LYST: variants seen among roughly 807,000 people sequenced by gnomAD.
The protein encoded by LYST is lysosomal trafficking regulator.
LYST carries 192 observed loss-of-function variants against 413.6 expected under a neutral mutation model. The observed-to-expected ratio is 0.46, with a 90% CI of 0.41 to 0.52. The LOEUF is 0.52. LYST is among the 20% of genes least tolerant of loss of function. The pLI is 0.00. For missense variants in LYST, 3,815 were observed against 4,499.9 expected, an observed-to-expected ratio of 0.85 and a Z score of 4.35; for synonymous variants, 1,525 against 1,567.3, an observed-to-expected ratio of 0.97 and a Z score of 0.64.
chr1:235,820,771 A>C (rs1674670228), intron 3 of LYST, among the ~76,000 whole-genome samples: 1 of 152,206 alleles, frequency 6.6e-6, no homozygotes, highest in Admixed American at 6.5e-5. Flanking sequence ...GGACTATTTA[A>C]GTCCTTTATT....
chr1:235,756,985 G>T (rs1382394058), intron 24 of LYST, among the ~76,000 whole-genome samples: 1 of 151,972 alleles, frequency 6.6e-6, no homozygotes, highest in Non-Finnish European at 1.5e-5. Context: ...TTCAGATATG[G>T]GGATTTATTG....
rs770591122 is a variant in LYST, at chr1:235,854,009, A to G, written c.-98+12834T>C. Among the ~76,000 whole-genome samples, 6 of 152,190 alleles carry G rather than the reference A, an allele frequency of 3.9e-5. No homozygotes were observed. The highest frequency in any genetic ancestry group is 6.5e-5 in the Admixed American group (1 of 15,272). ...TTAAAGGAACTATGAAGGTTCATCC[A>G]GGTAAATCATCTCCCCGGCTTTCTA... On this transcript the variant is annotated intron_variant, in intron 1 of 52. Coordinates refer to ENST00000389793, the MANE Select transcript of LYST (RefSeq NM_000081.4). This position sits in a 1 kb window ranked among gnomAD's most constrained non-coding sequence, Gnocchi z 4.1.
intron 1 of LYST, among the ~76,000 whole-genome samples, chr1:235,844,496 G>C (rs1016511757): frequency 1.3e-5 from 2 of 152,106 alleles, no homozygotes; most frequent in East Asian, 1.9e-4. Flanking sequence ...TATGTTTTGG[G>C]GGGTAATTAA....
chr1:235,867,531 TATTTTCCAA>T (rs1042078150), upstream of LYST, among the ~76,000 whole-genome samples: 1 of 116,328 alleles, frequency 8.6e-6, no homozygotes, highest in African/African-American at 4.3e-5. Context: ...TGCAGTGGTG[TATTTTCCAA>T]CCGACTCCTG....
chr1:235,737,917 G>C, intron 31 of LYST: 82 of 1,160,122 alleles, frequency 7.1e-5, no homozygotes, highest in East Asian at 4.2e-4. Context: ...CTGCCGACGA[G>C]TCTGGATCTC....
Position 235,780,957 on chromosome 1 carries a change from A to C in LYST, c.5122T>G (p.Tyr1708Asp), listed in dbSNP as rs1436760034. The C allele has an allele frequency of 1.2e-6, 2 of 1,601,692 alleles. No homozygotes were observed. Residue 1708 changes from tyrosine (Y) to aspartate (D), a missense_variant, in exon 16 of 53, where the codon TAC becomes GAC. Physicochemically the swap from Tyr to Asp is radical, Grantham distance 160 (BLOSUM62 -3). Transcript: ENST00000389793. ...PCKYGKPVND[Y>D]SKYINKEILR... ...ATTTCTTTATTAATATATTTGGAGT[A>C]GTCATTGACTGGCTTGCCATACTTA...
intron 13 of LYST, among the ~76,000 whole-genome samples, chr1:235,788,110 TCAAA>T (rs1303549784): frequency 2.0e-5 from 3 of 152,146 alleles, no homozygotes; most frequent in Non-Finnish European, 4.4e-5. Context: ...TGATCTAAAA[TCAAA>T]CAGAGAATTA....
At chr1:235,682,644 T>G (rs1659914973) in intron 48 of LYST, among the ~76,000 whole-genome samples, 1 of 152,184 alleles carries the variant, frequency 6.6e-6, no homozygotes, top group Non-Finnish European at 1.5e-5. Flanking sequence ...TGTAGTCGGA[T>G]GAAAGAATAT....
At chr1:235,712,776 G>T in intron 42 of LYST, 6 of 984,902 alleles carry the variant, frequency 6.1e-6, no homozygotes, top group Non-Finnish European at 7.2e-6. Context: ...TCCTGTGAAT[G>T]AAAATAAAAA....
At chr1:235,831,920 G>C (rs1355316590) in intron 2 of LYST, among the ~76,000 whole-genome samples, 1 of 151,820 alleles carries the variant, frequency 6.6e-6, no homozygotes, top group Non-Finnish European at 1.5e-5. Flanking sequence ...TAATTACTTA[G>C]TACACCACTA....
chr1:235,855,422 C>G lies in LYST; in HGVS notation c.-98+11421G>C, dbSNP rs147144821. Among the ~76,000 whole-genome samples the G allele has an allele frequency of 1.4e-3, 218 of 152,076 alleles. 1 individual carries two copies. The highest frequency in any genetic ancestry group is 2.7e-3 in the Non-Finnish European group (181 of 67,990). On this transcript the variant is annotated intron_variant, in intron 1 of 52. Coordinates refer to ENST00000389793, the MANE Select transcript of LYST (RefSeq NM_000081.4). ...CCACAATTAGCATTTAAGGCACTACCGAAACACCTTAAAAACCTTACCAAA... is the reference window on the plus strand; with the variant it reads ...CCACAATTAGCATTTAAGGCACTACGGAAACACCTTAAAAACCTTACCAAA...
intron 3 of LYST, among the ~76,000 whole-genome samples, chr1:235,825,139 T>C (rs894707898): frequency 5.3e-5 from 8 of 152,160 alleles, no homozygotes; most frequent in African/African-American, 1.9e-4. Flanking sequence ...GAAAAGGCAT[T>C]TGACAAAATT....
At chr1:235,735,990 A>T (rs554840569) in intron 31 of LYST, 1 of 152,164 alleles carries the variant, frequency 6.6e-6, no homozygotes, top group African/African-American at 2.4e-5. Context: ...ATATAACTTT[A>T]AAAATATTTC....
At chr1:235,846,681 AC>A (rs1209242898) in intron 1 of LYST, among the ~76,000 whole-genome samples, 3 of 152,154 alleles carry the variant, frequency 2.0e-5, no homozygotes, top group African/African-American at 7.2e-5. Context: ...AAGAAAAAAA[AC>A]AATAAAAAAT....
chr1:235,794,805 T>C (rs1412131264), intron 10 of LYST, among the ~76,000 whole-genome samples: 1 of 152,204 alleles, frequency 6.6e-6, no homozygotes, highest in Non-Finnish European at 1.5e-5. Context: ...TAAAGGTTTT[T>C]AAGTAGGAAA....
At chr1:235,821,926 C>T (rs998658068) in intron 3 of LYST, among the ~76,000 whole-genome samples, 1 of 152,286 alleles carries the variant, frequency 6.6e-6, no homozygotes, top group East Asian at 1.9e-4. Flanking sequence ...CACCCTATCA[C>T]CTAGACAAAA....
chr1:235,712,458 G>A lies in LYST; in HGVS notation c.9785-261C>T, dbSNP rs949944072. The A allele has an allele frequency of 3.9e-4, 142 of 365,936 alleles. 1 individual carries two copies. The highest frequency in any genetic ancestry group is 1.1e-3 in the Middle Eastern group (1 of 940). 22.7% of individuals were successfully genotyped at this position (365,936 alleles called of 1,614,324 possible). A position where few individuals can be genotyped will look rare whatever the true frequency, so the allele number is the denominator to read the frequency against. On this transcript the variant is annotated intron_variant, in intron 42 of 52. Transcript: ENST00000389793. ...TATATCATCTATTTGTTTAATTTTC[G>A]TCTATCTATCAAAGTAGAATGAAAG...
At chr1:235,673,216 GTC>G (rs1039978166) in intron 50 of LYST, among the ~76,000 whole-genome samples, 2 of 151,958 alleles carry the variant, frequency 1.3e-5, no homozygotes, top group African/African-American at 4.8e-5. Flanking sequence ...TAATCAGTCT[GTC>G]TCTTTTTTTT....
At chr1:235,864,884 A>G (rs6700301) in intron 1 of LYST, among the ~76,000 whole-genome samples, 11,515 of 152,202 alleles carry the variant, frequency 0.076, 1,477 homozygotes, top group African/African-American at 0.26. Context: ...GGTTGTGATC[A>G]TGCCACTGCA....
Sources: allele counts gnomAD v4.1 joint callset (sites outside exome capture counted in the v4.1 genomes callset), GRCh38; gene constraint gnomAD v4.1.1; non-coding constraint Gnocchi (gnomAD v3.1); transcripts MANE v1.5; gene names NCBI Gene and HGNC (gene_info 2026-07-23, HGNC 2026-07-21).